Variants in ASCC3 observed in about 807,000 individuals in gnomAD.
ASCC3 encodes the protein activating signal cointegrator 1 complex subunit 3.
In ASCC3, 158 loss-of-function variants were observed where a neutral mutation model predicts 256.3. That is an observed-to-expected ratio of 0.62 (90% CI 0.54 to 0.70). ASCC3 has a LOEUF of 0.70. Among genes scored for constraint, ASCC3 ranks in the 30% least tolerant of loss-of-function variants. The pLI is 0.00. For missense variants in ASCC3, 2,259 were observed against 2,626.0 expected (o/e 0.86, Z 3.05); for synonymous variants, 948 against 883.4 (o/e 1.07, Z -1.30).
chr6:100,718,124 C>A lies in ASCC3; in HGVS notation c.2030G>T (p.Arg677Leu). Residue 677 changes from arginine to leucine, a missense_variant, in exon 12 of 42, where the codon CGA becomes CTA. Physicochemically the swap from Arg to Leu is moderately radical, Grantham distance 102. Coordinates refer to ENST00000369162, the MANE Select transcript of ASCC3 (RefSeq NM_006828.4). ...AAATGTCTGTCCAAGAGGTACTGGT[C>A]GAAAACGGCCATCAAAGAAGAAAAG... ...IGLFFFDGRF[R>L]PVPLGQTFLG... 1.9e-6 allele frequency: 3 copies of A among 1,613,360 alleles called. No individual in the cohort carries two copies. Among genetic ancestry groups the A allele is most frequent in the Non-Finnish European group, 2.5e-6 (3 of 1,179,706 alleles).
intron 3 of ASCC3, among the ~76,000 whole-genome samples, chr6:100,859,666 C>T (rs1420933820): frequency 2.0e-5 from 3 of 151,938 alleles, no homozygotes; most frequent in Admixed American, 2.0e-4. Flanking sequence ...TTACAAATGC[C>T]TTAAACCATA....
At chr6:100,706,338 T>TA (rs940841031) in intron 13 of ASCC3, among the ~76,000 whole-genome samples, 12 of 149,388 alleles carry the variant, frequency 8.0e-5, no homozygotes, top group South Asian at 2.1e-4. Flanking sequence ...TATTATGAGT[T>TA]AAAAAAAAAC....
At chr6:100,845,442 G>T (rs1297472754) in intron 4 of ASCC3, among the ~76,000 whole-genome samples, 1 of 152,114 alleles carries the variant, frequency 6.6e-6, no homozygotes, top group Non-Finnish European at 1.5e-5. Context: ...GTTTGCTTTA[G>T]TATGCTATTT....
At chr6:100,789,751 T>C (rs1769264833) in intron 8 of ASCC3, among the ~76,000 whole-genome samples, 1 of 151,962 alleles carries the variant, frequency 6.6e-6, no homozygotes, top group Admixed American at 6.6e-5. Context: ...AGCAAAACAT[T>C]TAGCGGAAGA....
intron 24 of ASCC3, 80 bp downstream of exon 24, chr6:100,642,501 C>A (rs239245): frequency 0.54 from 750,207 of 1,395,242 alleles, 204,934 homozygotes; most frequent in East Asian, 0.74. Context: ...AACTTTATTA[C>A]GGTGTAGACA....
chr6:100,579,961 C>T (rs1438253620), intron 36 of ASCC3, among the ~76,000 whole-genome samples: 1 of 152,034 alleles, frequency 6.6e-6, no homozygotes, highest in African/African-American at 2.4e-5. Context: ...TTCATGAATA[C>T]GAAAGGTTTT....
chr6:100,807,433 A>G (rs984470238), intron 4 of ASCC3, among the ~76,000 whole-genome samples: 1 of 151,768 alleles, frequency 6.6e-6, no homozygotes, highest in Non-Finnish European at 1.5e-5. Context: ...AGAATTATCC[A>G]TCAACAAAGT....
At chr6:100,873,021 G>T (rs912882027) in intron 1 of ASCC3, among the ~76,000 whole-genome samples, 2 of 151,792 alleles carry the variant, frequency 1.3e-5, no homozygotes, top group Admixed American at 6.6e-5. Context: ...CACCAACAAT[G>T]GATCCAAACC....
At chr6:100,592,226 T>C (rs1046010958) in intron 34 of ASCC3, among the ~76,000 whole-genome samples, 2 of 151,846 alleles carry the variant, frequency 1.3e-5, no homozygotes, top group Non-Finnish European at 2.9e-5. Context: ...ATTCATAATC[T>C]AACTTGCTAA....
rs567884337 is a variant in ASCC3 at position 100,627,772 on chromosome 6, A to G, written c.4522-62T>C. The G allele has an allele frequency of 2.5e-5, 40 of 1,608,318 alleles. No individual in the cohort carries two copies. The African/African-American group carries it at 4.8e-4, about 19-fold the overall frequency. The stretch of plus-strand genomic sequence containing the variant: ...TTATATTGAATTTTATAAGGTTATA[A>G]TATCTCTTAAAAGGAATCATCAAAG... On this transcript the variant is annotated intron_variant, in intron 28 of 41. Transcript: ENST00000369162.
intron 36 of ASCC3, among the ~76,000 whole-genome samples, chr6:100,568,780 A>ATTC (rs1770416594): frequency 7.1e-6 from 1 of 141,830 alleles, no homozygotes; most frequent in Admixed American, 6.9e-5. Flanking sequence ...TATTATTATT[A>ATTC]TTATTATTAT....
intron 10 of ASCC3, among the ~76,000 whole-genome samples, chr6:100,760,095 G>A (rs1009842977): frequency 5.3e-5 from 8 of 152,048 alleles, no homozygotes; most frequent in African/African-American, 1.9e-4. Context: ...CATGTTGTCT[G>A]CAAAAAGAGA....
intron 4 of ASCC3, among the ~76,000 whole-genome samples, chr6:100,840,805 G>A (rs1772108005): frequency 6.6e-6 from 1 of 151,932 alleles, no homozygotes; most frequent in Admixed American, 6.6e-5. Context: ...TGGGTTCACA[G>A]ATGATATAGT....
intron 41 of ASCC3, 140 bp downstream of exon 41, chr6:100,509,792 G>T: frequency 1.2e-6 from 1 of 862,652 alleles, no homozygotes; most frequent in Non-Finnish European, 1.8e-6. Context: ...GGAGGCTGAG[G>T]CAGGAGAATG....
intron 4 of ASCC3, among the ~76,000 whole-genome samples, chr6:100,835,872 A>G (rs1207540495): frequency 1.3e-5 from 2 of 152,132 alleles, no homozygotes; most frequent in South Asian, 2.1e-4. Flanking sequence ...AATTCTTCCA[A>G]TTCACCAGTA....
chr6:100,864,884 C>T (rs934740854), intron 2 of ASCC3, among the ~76,000 whole-genome samples: 34 of 152,102 alleles, frequency 2.2e-4, no homozygotes, highest in African/African-American at 8.2e-4. Context: ...ACAAATCTTT[C>T]CACTCTCAAG....
chr6:100,764,245 T>A (rs369277312), intron 10 of ASCC3, among the ~76,000 whole-genome samples: 4 of 152,208 alleles, frequency 2.6e-5, no homozygotes, highest in Admixed American at 2.6e-4. Flanking sequence ...GGTATTATTT[T>A]ATGAATATAA....
intron 36 of ASCC3, among the ~76,000 whole-genome samples, chr6:100,559,151 T>C (rs1353766067): frequency 6.6e-6 from 1 of 152,196 alleles, no homozygotes; most frequent in Admixed American, 6.5e-5. Context: ...TGGGAGGTTA[T>C]AAATGCATTT....
chr6:100,644,582 C>A (rs550758696), intron 22 of ASCC3, among the ~76,000 whole-genome samples: 1 of 152,202 alleles, frequency 6.6e-6, no homozygotes, highest in South Asian at 2.1e-4. Flanking sequence ...TTATCCATTT[C>A]AATGTCTTTC....
Sources: allele counts gnomAD v4.1 joint callset (sites outside exome capture counted in the v4.1 genomes callset), GRCh38; gene constraint gnomAD v4.1.1; transcripts MANE v1.5; gene names NCBI Gene and HGNC (gene_info 2026-07-23, HGNC 2026-07-21).